Variants in VGF observed in about 807,000 individuals in gnomAD.
The protein encoded by VGF is VGF nerve growth factor inducible.
VGF carries 13 observed loss-of-function variants against 41.1 expected under a neutral mutation model. The observed-to-expected ratio is 0.32, with a 90% CI of 0.21 to 0.50. The LOEUF is 0.50. VGF is among the 20% of genes least tolerant of loss of function. VGF has a pLI of 0.98. For synonymous variants in VGF, 473 were observed against 418.3 expected, an observed-to-expected ratio of 1.13 and a Z score of -1.60; for missense variants, 920 against 882.1, an observed-to-expected ratio of 1.04 and a Z score of -0.54.
chr7:101,164,506 G>A lies in VGF; in HGVS notation c.338C>T (p.Ala113Val), dbSNP rs771290734. The A allele has an allele frequency of 5.0e-6, 8 of 1,599,990 alleles. No individual in the cohort carries two copies. Among genetic ancestry groups the A allele is most frequent in the South Asian group, 1.1e-5 (1 of 90,812 alleles). ...QQGPEEEAAE[A>V]LLTETVRSQT... ...GCTGCGCACGGTCTCGGTCAGCAGA[G>A]CTTCAGCTGCTTCTTCCTCCGGCCC... The change falls in exon 2 of 2, where the codon GCT becomes GTT. Residue 113 changes from alanine (A) to valine (V), a missense_variant. Transcript: ENST00000249330.
chr7:101,168,510 G>A (rs769260330), upstream of VGF, among the ~76,000 whole-genome samples: 4 of 152,210 alleles, frequency 2.6e-5, no homozygotes, highest in Non-Finnish European at 5.9e-5. Flanking sequence ...AAAGGAGGGA[G>A]ACAGTAGAAA....
At chr7:101,169,706 C>T (rs1797276112), upstream of VGF, among the ~76,000 whole-genome samples, 1 of 152,152 alleles carries the variant, frequency 6.6e-6, no homozygotes, top group Non-Finnish European at 1.5e-5. Context: ...AAGTCGCCTG[C>T]CTCCCCGTCC....
chr7:101,162,702 G>A lies in VGF; in HGVS notation c.*294C>T, dbSNP rs1797125985. The A allele has an allele frequency of 1.9e-6, 1 of 533,776 alleles. No individual in the cohort carries two copies. The highest frequency in any genetic ancestry group is 1.6e-5 in the South Asian group (1 of 62,444). 33.1% of individuals were successfully genotyped at this position (533,776 alleles called of 1,614,324 possible). On this transcript the variant is annotated 3_prime_UTR_variant, in exon 2 of 2. Transcript: ENST00000249330. The surrounding 1 kb of genome is among the most constrained non-coding windows in gnomAD (Gnocchi z 4.2). ...GGAACTGCTTTTTCCGGTTTCCGAC[G>A]GGGACGTCCCCAGAGGGACTTGATG...
chr7:101,162,885 A>AGGGGC lies in VGF; in HGVS notation c.*106_*110dup, dbSNP rs1562867113. ...CAGCCCGGGGACAGGGGCAGGGCCAAGGGGCAGGGCCGGGGCGCATGCAAA... is the reference window on the plus strand; with the variant it reads ...CAGCCCGGGGACAGGGGCAGGGCCAAGGGGCGGGGCAGGGCCGGGGCGCATGCAAA... On this transcript the variant is annotated 3_prime_UTR_variant, in exon 2 of 2. Transcript: ENST00000249330. This position sits in a 1 kb window ranked among gnomAD's most constrained non-coding sequence, Gnocchi z 4.2. The AGGGGC allele has an allele frequency of 2.8e-6, 2 of 724,942 alleles. No homozygotes were observed. The allele number at this position is 724,942 out of a possible 1,614,324, so 44.9% of individuals were successfully genotyped here. A position where few individuals can be genotyped will look rare whatever the true frequency, so the allele number is the denominator to read the frequency against.
At chr7:101,167,972 G>C, upstream of VGF, among the ~76,000 whole-genome samples, 1 of 150,656 alleles carries the variant, frequency 6.6e-6, no homozygotes, top group East Asian at 2.0e-4. The surrounding 1 kb of genome is among the most constrained non-coding windows in gnomAD (Gnocchi z 4.2). Context: ...TCCAGGTGTG[G>C]GTGTGTGTGC....
chr7:101,167,130 C>T (rs1213606389), upstream of VGF, among the ~76,000 whole-genome samples: 1 of 152,126 alleles, frequency 6.6e-6, no homozygotes, highest in Non-Finnish European at 1.5e-5. The surrounding 1 kb of genome is among the most constrained non-coding windows in gnomAD (Gnocchi z 4.2). Context: ...CCTCCCCCTC[C>T]CTACACACAC....
At chr7:101,168,258 C>G (rs1437579520), upstream of VGF, among the ~76,000 whole-genome samples, 2 of 152,042 alleles carry the variant, frequency 1.3e-5, no homozygotes, top group Admixed American at 1.3e-4. Context: ...GTCGTCCTGT[C>G]GTGAGGGAGC....
At chr7:101,169,191 C>T (rs560805271), upstream of VGF, among the ~76,000 whole-genome samples, 2 of 151,636 alleles carry the variant, frequency 1.3e-5, no homozygotes, top group South Asian at 2.1e-4. Flanking sequence ...GAGGGGAGAC[C>T]CAGCAAGCGG....
rs1247673401 is a variant in VGF, at chr7:101,164,630, C to T, written c.214G>A (p.Glu72Lys). 1 of 1,596,390 alleles carries T rather than the reference C, an allele frequency of 6.3e-7. No individual in the cohort carries two copies. The highest frequency in any genetic ancestry group is 1.3e-5 in the African/African-American group (1 of 74,760). ...ARNSEPQDEGELFQGVDPRAL... is the reference protein window; with the variant it reads ...ARNSEPQDEGKLFQGVDPRAL... Reference sequence around the variant, plus strand: ...CGGGGATCCACGCCCTGGAAAAGCTCTCCCTCGTCCTGCGGCTCGGAATTC... The same window carrying T: ...CGGGGATCCACGCCCTGGAAAAGCTTTCCCTCGTCCTGCGGCTCGGAATTC... Residue 72 changes from glutamate to lysine, a missense_variant, in exon 2 of 2, where the codon GAG (glutamate) becomes AAG (lysine). Glu to Lys is a moderately conservative substitution (Grantham distance 56, BLOSUM62 1). Transcript: ENST00000249330.
At chr7:101,166,097 C>T (rs1797214484), upstream of VGF, among the ~76,000 whole-genome samples, 1 of 152,190 alleles carries the variant, frequency 6.6e-6, no homozygotes, top group Non-Finnish European at 1.5e-5. Flanking sequence ...GTTCCCCACC[C>T]CGAGACCACG....
Position 101,165,490 on chromosome 7 carries a change from G to T in VGF, c.-137C>A. 1.0e-6 allele frequency: 1 copy of T among 985,464 alleles called. No homozygotes were observed. The highest frequency in any genetic ancestry group is 1.2e-6 in the Non-Finnish European group (1 of 829,956). 61.0% of individuals were successfully genotyped at this position (985,464 alleles called of 1,614,324 possible). On this transcript the variant is annotated 5_prime_UTR_variant, in exon 1 of 2. Coordinates refer to ENST00000249330, the MANE Select transcript of VGF (RefSeq NM_003378.4). ...GGTGGCCGGGGTAGGAGCGACGGTC[G>T]AGGTCTGGCGTCCCGTGGGCTGGGC...
At position 101,163,570 on chromosome 7, in the gene VGF, G is replaced by C. The variant is rs777313837; in HGVS notation, c.1274C>G (p.Pro425Arg). ...CTCGGCCTCCTTCCGCCGGTGGCCCGGCGTCTCCTCCTGGGAGCGCTTGTC... is the reference window on the plus strand; with the variant it reads ...CTCGGCCTCCTTCCGCCGGTGGCCCCGCGTCTCCTCCTGGGAGCGCTTGTC... ...AEDKRSQEET[P>R]GHRRKEAEGT... Residue 425 changes from proline to arginine, a missense_variant, in exon 2 of 2, where the codon CCG (proline) becomes CGG (arginine). Coordinates refer to ENST00000249330, the MANE Select transcript of VGF (RefSeq NM_003378.4). This position sits in a 1 kb window ranked among gnomAD's most constrained non-coding sequence, Gnocchi z 5.0. The C allele has an allele frequency of 6.3e-7, 1 of 1,581,752 alleles. No homozygotes were observed. The highest frequency in any genetic ancestry group is 8.6e-7 in the Non-Finnish European group (1 of 1,164,524).
In VGF at chr7:101,164,853, G is replaced by C; in HGVS notation, c.-10C>G. ...ATCTGAGGGCTTTCATGACCAAGAG[G>C]CTGCCGGAGACTGAAAAATAGAAGG... On this transcript the variant is annotated 5_prime_UTR_variant, in exon 2 of 2. Transcript: ENST00000249330. 6.5e-7 allele frequency: 1 copy of C among 1,541,646 alleles called. No homozygotes were observed. The highest frequency in any genetic ancestry group is 8.7e-7 in the Non-Finnish European group (1 of 1,143,212).
chr7:101,163,757 C>T lies in VGF; in HGVS notation c.1087G>A (p.Glu363Lys). 6.5e-7 allele frequency: 1 copy of T among 1,532,442 alleles called. No individual in the cohort carries two copies. The highest frequency in any genetic ancestry group is 8.7e-7 in the Non-Finnish European group (1 of 1,143,726). The allele number at this position is 1,532,442 out of a possible 1,614,324, so 94.9% of individuals were successfully genotyped here. ...EAAEERESAR[E>K]EEEAEQERRG... Reference sequence around the variant, plus strand: ...CTCTCCTGCTCCGCCTCCTCCTCCTCCCTTGCACTCTCTCGCTCCTCCGCC... The same window carrying T: ...CTCTCCTGCTCCGCCTCCTCCTCCTTCCTTGCACTCTCTCGCTCCTCCGCC... The change falls in exon 2 of 2, where the codon GAG becomes AAG. Residue 363 changes from glutamate to lysine, a missense_variant. Transcript: ENST00000249330. This position sits in a 1 kb window ranked among gnomAD's most constrained non-coding sequence, Gnocchi z 5.0.
rs1028554840 is a variant in VGF at position 101,165,212 on chromosome 7, TCAG to T, written c.-21+159_-21+161del. On this transcript the variant is annotated intron_variant, in intron 1 of 1. Transcript: ENST00000249330. Reference sequence around the variant, plus strand: ...CTCCCCGGATGGTGCGTGGGCGACTTCAGCAGCAAGAGAAAAAGCTGCGACTCC... The same window carrying T: ...CTCCCCGGATGGTGCGTGGGCGACTTCAGCAAGAGAAAAAGCTGCGACTCC... The T allele has an allele frequency of 5.0e-6, 5 of 1,007,152 alleles. No individual in the cohort carries two copies. The African/African-American group carries it at 5.2e-5, about 10-fold the overall frequency. The allele number at this position is 1,007,152 out of a possible 1,614,324, so 62.4% of individuals were successfully genotyped here. A position where few individuals can be genotyped will look rare whatever the true frequency, so the allele number is the denominator to read the frequency against.
Position 101,163,140 on chromosome 7 carries a change from G to C in VGF, c.1704C>G (p.His568Gln). 6.3e-7 allele frequency: 1 copy of C among 1,584,832 alleles called. No homozygotes were observed. The highest frequency in any genetic ancestry group is 8.6e-7 in the Non-Finnish European group (1 of 1,169,026). The change falls in exon 2 of 2, where the codon CAC (histidine) becomes CAG (glutamine). Residue 568 changes from histidine (H) to glutamine (Q), a missense_variant. This residue lies in a region of VGF where 257 missense variants were observed against 217.2 expected (regional missense o/e 1.18). Coordinates refer to ENST00000249330, the MANE Select transcript of VGF (RefSeq NM_003378.4). The surrounding 1 kb of genome is among the most constrained non-coding windows in gnomAD (Gnocchi z 5.0). ...PSALRRRHYH[H>Q]ALPPSRHYPG... is the part of the protein sequence containing the mutation. The stretch of plus-strand genomic sequence containing the variant: ...GATAGTGGCGCGAAGGCGGCAAGGC[G>C]TGGTGGTAGTGGCGGCGGCGCAAGG...
At chr7:101,165,314 C>G in intron 1 of VGF, 60 bp downstream of exon 1, 1 of 986,444 alleles carries the variant, frequency 1.0e-6, no homozygotes, top group South Asian at 4.7e-5. Flanking sequence ...GAGAGAGAAC[C>G]CTCCCTCACG....
chr7:101,165,081 C>G, intron 1 of VGF: 1 of 1,246,560 alleles, frequency 8.0e-7, no homozygotes, highest in Non-Finnish European at 1.0e-6. Flanking sequence ...CCTCGCTTAC[C>G]CAGGGCCTCC....
rs2116705716 is a variant in VGF, at chr7:101,163,976, A to G, written c.868T>C (p.Ser290Pro). The G allele has an allele frequency of 6.8e-7, 1 of 1,469,436 alleles. No individual in the cohort carries two copies. Among genetic ancestry groups the G allele is most frequent in the Non-Finnish European group, 8.9e-7 (1 of 1,126,410 alleles). 91.0% of individuals were successfully genotyped at this position (1,469,436 alleles called of 1,614,324 possible). A position where few individuals can be genotyped will look rare whatever the true frequency, so the allele number is the denominator to read the frequency against. ...TGGAGAAGGCGCTCGCCCGCCTCGG[A>G]GCCGCCCAGGAGTGCGCTCTCCGGC... ...RRPESALLGG[S>P]EAGERLLQQG... Residue 290 changes from serine (S) to proline (P), a missense_variant, in exon 2 of 2, where the codon TCC (serine) becomes CCC (proline). Coordinates refer to ENST00000249330, the MANE Select transcript of VGF (RefSeq NM_003378.4). The surrounding 1 kb of genome is among the most constrained non-coding windows in gnomAD (Gnocchi z 5.0).
Sources: allele counts gnomAD v4.1 joint callset (sites outside exome capture counted in the v4.1 genomes callset), GRCh38; gene constraint gnomAD v4.1.1; regional missense constraint gnomAD v4.1.1; non-coding constraint Gnocchi (gnomAD v3.1); transcripts MANE v1.5; gene names NCBI Gene and HGNC (gene_info 2026-07-23, HGNC 2026-07-21).